The following ARHGEF10 variants were observed in gnomAD, a reference collection of about 807,000 sequenced individuals.
ARHGEF10 encodes the protein Rho guanine nucleotide exchange factor (GEF) 10.
In ARHGEF10, 140 loss-of-function variants were observed where a neutral mutation model predicts 147.4. That is an observed-to-expected ratio of 0.95 (90% CI 0.83 to 1.09). The LOEUF (loss-of-function observed/expected upper bound fraction) is 1.09, where lower values mean the gene tolerates loss of function less well. Among genes scored for constraint, ARHGEF10 ranks in the 50% least tolerant of loss-of-function variants. The pLI, the probability that ARHGEF10 is intolerant of heterozygous loss-of-function variation, is 0.00. For synonymous variants in ARHGEF10, 902 were observed against 695.8 expected, an observed-to-expected ratio of 1.30 and a Z score of -4.67; for missense variants, 2,222 against 1,752.7, an observed-to-expected ratio of 1.27 and a Z score of -4.78.
At chr8:1,917,848 C>T (rs1811873910) in intron 18 of ARHGEF10, among the ~76,000 whole-genome samples, 1 of 152,014 alleles carries the variant, frequency 6.6e-6, no homozygotes, top group Non-Finnish European at 1.5e-5. Flanking sequence ...GATCTTGGCT[C>T]ACTGCAACCT....
chr8:1,837,416 G>A (rs1009279684), intron 1 of ARHGEF10, among the ~76,000 whole-genome samples: 1 of 152,218 alleles, frequency 6.6e-6, no homozygotes, highest in African/African-American at 2.4e-5. Flanking sequence ...TCATCTTTCC[G>A]TTGGTCCTAA....
intron 13 of ARHGEF10, 61 bp from the exon 14 acceptor site, chr8:1,896,272 A>C (rs1263977203): frequency 1.7e-6 from 2 of 1,192,148 alleles, no homozygotes; most frequent in East Asian, 4.7e-5. Flanking sequence ...CTTCTGTTTT[A>C]TGTTGGAAAA....
intron 28 of ARHGEF10, among the ~76,000 whole-genome samples, chr8:1,956,329 T>G (rs1815562713): frequency 1.3e-5 from 2 of 152,228 alleles, no homozygotes; most frequent in African/African-American, 4.8e-5. Context: ...GCCGGTAGTT[T>G]AGTCATTTCT....
chr8:1,894,663 C>A, intron 13 of ARHGEF10, 91 bp downstream of exon 13: 1 of 1,437,124 alleles, frequency 7.0e-7, no homozygotes, highest in South Asian at 1.2e-5. Flanking sequence ...CCCCTGATCT[C>A]CTGCAAGCTG....
At chr8:1,940,654 G>A (rs936578982) in intron 26 of ARHGEF10, among the ~76,000 whole-genome samples, 1 of 152,142 alleles carries the variant, frequency 6.6e-6, no homozygotes, top group Non-Finnish European at 1.5e-5. Context: ...GCATGACCCC[G>A]ATACCAAAGA....
rs971118123 is a variant in ARHGEF10, at chr8:1,903,165, C to A, written c.1651-116C>A. On this transcript the variant is annotated intron_variant, in intron 15 of 28. Coordinates refer to ENST00000349830, the MANE Select transcript of ARHGEF10 (RefSeq NM_014629.4). The stretch of plus-strand genomic sequence containing the variant: ...TTCCCAAGAACTGACTTTATTTTTC[C>A]CCAGGATGGCAGATGCCACTGCCTC... 6 of 1,322,342 alleles carry A rather than the reference C, an allele frequency of 4.5e-6. No individual in the cohort carries two copies. The African/African-American group carries it at 7.2e-5, about 16-fold the overall frequency. 81.9% of individuals were successfully genotyped at this position (1,322,342 alleles called of 1,614,324 possible). A position where few individuals can be genotyped will look rare whatever the true frequency, so the allele number is the denominator to read the frequency against.
At chr8:1,923,315 C>T in intron 19 of ARHGEF10, 153 bp from the exon 20 acceptor site, 2 of 1,182,308 alleles carry the variant, frequency 1.7e-6, no homozygotes, top group Non-Finnish European at 2.4e-6. Context: ...CAGCCCCCCA[C>T]AGTGTGATCT....
chr8:1,891,427 G>A lies in ARHGEF10; in HGVS notation c.1183-2142G>A, dbSNP rs574792600. ...AATTTGGGGGTGGAAAAAGGCAAATGTTCTTTTTGAAATAAAGAAGGGTCG... is the reference window on the plus strand; with the variant it reads ...AATTTGGGGGTGGAAAAAGGCAAATATTCTTTTTGAAATAAAGAAGGGTCG... On this transcript the variant is annotated intron_variant, in intron 11 of 28. Transcript: ENST00000349830. 4.6e-5 allele frequency among the ~76,000 whole-genome samples: 7 copies of A among 152,280 alleles called. No individual in the cohort carries two copies. The East Asian group carries it at 9.6e-4, about 21-fold the overall frequency.
At chr8:1,899,549 G>A (rs1391254151) in intron 15 of ARHGEF10, among the ~76,000 whole-genome samples, 1 of 152,130 alleles carries the variant, frequency 6.6e-6, no homozygotes, top group Non-Finnish European at 1.5e-5. Context: ...TTAAATAAAT[G>A]TAGTCATCAA....
Position 1,898,601 on chromosome 8 carries a change from CT to C in ARHGEF10, c.1650+77del, listed in dbSNP as rs960503337. ...ACTCATTTGAAAATGGCGTCTGTTC[CT>C]CCACTTTGGAATGGCTGCCCCTCGG... On this transcript the variant is annotated intron_variant, in intron 15 of 28. Coordinates refer to ENST00000349830, the MANE Select transcript of ARHGEF10 (RefSeq NM_014629.4). The C allele has an allele frequency of 4.1e-6, 6 of 1,447,724 alleles. No homozygotes were observed. In the African/African-American group the frequency reaches 8.4e-5, roughly 20 times the overall value. 89.7% of individuals were successfully genotyped at this position (1,447,724 alleles called of 1,614,324 possible). A position where few individuals can be genotyped will look rare whatever the true frequency, so the allele number is the denominator to read the frequency against.
At chr8:1,953,505 G>T (rs1052398532) in intron 28 of ARHGEF10, among the ~76,000 whole-genome samples, 1 of 152,272 alleles carries the variant, frequency 6.6e-6, no homozygotes, top group African/African-American at 2.4e-5. Context: ...TCCCGTTAGG[G>T]ATTGGAGGCC....
chr8:1,846,052 G>A (rs1007532243), intron 2 of ARHGEF10, among the ~76,000 whole-genome samples: 3 of 152,234 alleles, frequency 2.0e-5, no homozygotes, highest in Non-Finnish European at 2.9e-5. Flanking sequence ...CCTCAGGGCT[G>A]GTCACTAGCT....
chr8:1,876,643 C>G lies in ARHGEF10; in HGVS notation c.752C>G (p.Ser251Trp), dbSNP rs144004435. The G allele has an allele frequency of 1.2e-6, 2 of 1,614,004 alleles. No individual in the cohort carries two copies. The highest frequency in any genetic ancestry group is 1.3e-5 in the African/African-American group (1 of 74,916). ...GNSSLEYGWSSSEFESYEEQS... is the reference protein window; with the variant it reads ...GNSSLEYGWSWSEFESYEEQS... Reference sequence around the variant, plus strand: ...AGCTCCTTGGAATACGGATGGAGTTCGAGTGAATTTGAAAGTTACGAAGAG... The same window carrying G: ...AGCTCCTTGGAATACGGATGGAGTTGGAGTGAATTTGAAAGTTACGAAGAG... The change falls in exon 8 of 29, where the codon TCG (serine) becomes TGG (tryptophan). Residue 251 changes from serine (S) to tryptophan (W), a missense_variant. By Grantham distance (177) the Ser-to-Trp change is radical. Transcript: ENST00000349830.
rs149805132 is a variant in ARHGEF10, at chr8:1,841,655, G to C, written c.-47-1698G>C. Among the ~76,000 whole-genome samples the C allele has an allele frequency of 8.8e-3, 1,338 of 152,078 alleles. 20 individuals carry two copies. Among genetic ancestry groups the C allele is most frequent in the African/African-American group, 0.031 (1,268 of 41,480 alleles). Reference sequence around the variant, plus strand: ...CTCATCTCTCGGGGCCTGATGATGTGAAAGGGCTCCCATCCCTCAAACCGA... The same window carrying C: ...CTCATCTCTCGGGGCCTGATGATGTCAAAGGGCTCCCATCCCTCAAACCGA... On this transcript the variant is annotated intron_variant, in intron 1 of 28. Coordinates refer to ENST00000349830, the MANE Select transcript of ARHGEF10 (RefSeq NM_014629.4).
chr8:1,880,360 A>C (rs1808083596), intron 9 of ARHGEF10, among the ~76,000 whole-genome samples, 196 bp downstream of exon 9: 1 of 152,128 alleles, frequency 6.6e-6, no homozygotes, highest in Non-Finnish European at 1.5e-5. Context: ...TCTTACGGGG[A>C]ACCCAGGAAC....
chr8:1,939,756 C>G (rs551194657), intron 26 of ARHGEF10, among the ~76,000 whole-genome samples: 1 of 152,332 alleles, frequency 6.6e-6, no homozygotes, highest in Non-Finnish European at 1.5e-5. Context: ...GAGGGTGGGT[C>G]TGCGAGCACA....
At chr8:1,838,057 C>T (rs1803695038) in intron 1 of ARHGEF10, among the ~76,000 whole-genome samples, 1 of 152,328 alleles carries the variant, frequency 6.6e-6, no homozygotes, top group Non-Finnish European at 1.5e-5. Context: ...TTCATTGTCT[C>T]CTCTTCGTAT....
At chr8:1,835,631 G>A (rs1312830672) in intron 1 of ARHGEF10, among the ~76,000 whole-genome samples, 1 of 152,194 alleles carries the variant, frequency 6.6e-6, no homozygotes, top group Non-Finnish European at 1.5e-5. Context: ...TTCCCACCCT[G>A]CTGCTGGATG....
intron 1 of ARHGEF10, among the ~76,000 whole-genome samples, chr8:1,828,006 C>G (rs1194569596): frequency 6.6e-6 from 1 of 152,180 alleles, no homozygotes; most frequent in Non-Finnish European, 1.5e-5. Context: ...TCTGGCCATT[C>G]TAGGTTCCAA....
Sources: gnomAD v4.1 joint callset for allele counts (sites outside exome capture counted in the v4.1 genomes callset) on GRCh38, gnomAD v4.1.1 for gene constraint, MANE v1.5 for transcripts, NCBI Gene and HGNC (gene_info 2026-07-23, HGNC 2026-07-21) for gene names.